Variants in TBCEL observed in about 807,000 individuals in gnomAD.
TBCEL encodes the protein tubulin folding cofactor E like.
A neutral mutation model predicts 44.2 loss-of-function variants in TBCEL; 15 were observed. That is an observed-to-expected ratio of 0.34 (90% confidence interval 0.23 to 0.52). The LOEUF (loss-of-function observed/expected upper bound fraction) is 0.52. Among genes scored for constraint, TBCEL ranks in the 20% least tolerant of loss-of-function variants. The probability of loss-of-function intolerance (pLI) is 0.95; values close to 1 mark genes in which losing one functional copy is unlikely to be tolerated. For missense variants in TBCEL, 319 were observed against 506.3 expected, an observed-to-expected ratio of 0.63 and a Z score of 3.55; for synonymous variants, 171 against 185.4, an observed-to-expected ratio of 0.92 and a Z score of 0.63.
chr11:121,072,404 C>T (rs1307588326), intron 8 of TBCEL, among the ~76,000 whole-genome samples: 1 of 152,132 alleles, frequency 6.6e-6, no homozygotes, highest in Admixed American at 6.5e-5. Context: ...TTCTTGTTCA[C>T]ACTGTTCAGA....
chr11:121,047,718 T>G, intron 4 of TBCEL, 51 bp downstream of exon 4: 1 of 1,594,464 alleles, frequency 6.3e-7, no homozygotes, highest in Non-Finnish European at 8.6e-7. Flanking sequence ...ATAACCATTG[T>G]GTCATTGTTT....
At chr11:121,034,439 A>G (rs1231882309) in intron 1 of TBCEL, among the ~76,000 whole-genome samples, 1 of 152,208 alleles carries the variant, frequency 6.6e-6, no homozygotes, top group Non-Finnish European at 1.5e-5. Context: ...TCCGTGGAGT[A>G]GATACAATTA....
intron 4 of TBCEL, among the ~76,000 whole-genome samples, chr11:121,052,708 G>A (rs772421792): frequency 6.6e-6 from 1 of 151,692 alleles, no homozygotes; most frequent in Non-Finnish European, 1.5e-5. Flanking sequence ...ATGGTATATT[G>A]GAAAGAAAAA....
chr11:121,084,986 AAGT>A (rs1392171021), intron 8 of TBCEL, among the ~76,000 whole-genome samples: 1 of 151,028 alleles, frequency 6.6e-6, no homozygotes, highest in East Asian at 1.9e-4. Context: ...AGTCCCACCT[AAGT>A]AGATTTCAAT....
At chr11:121,070,897 G>A (rs1320927036) in intron 8 of TBCEL, among the ~76,000 whole-genome samples, 1 of 151,404 alleles carries the variant, frequency 6.6e-6, no homozygotes, top group East Asian at 1.9e-4. Context: ...GACTAGTAAA[G>A]GAGGATATGT....
At chr11:121,056,523 A>G (rs551341958) in intron 6 of TBCEL, among the ~76,000 whole-genome samples, 1 of 151,878 alleles carries the variant, frequency 6.6e-6, no homozygotes, top group East Asian at 1.9e-4. Context: ...GCTGGATCGT[A>G]TGGTAAGATT....
chr11:121,077,419 A>G (rs1946052069), intron 8 of TBCEL, among the ~76,000 whole-genome samples: 1 of 152,080 alleles, frequency 6.6e-6, no homozygotes, highest in South Asian at 2.1e-4. Context: ...TTATGGGCAT[A>G]AAGTTTTTCA....
intron 8 of TBCEL, among the ~76,000 whole-genome samples, chr11:121,075,333 G>A (rs1250582669): frequency 1.3e-5 from 2 of 151,838 alleles, no homozygotes; most frequent in Non-Finnish European, 2.9e-5. Context: ...GAAGCAACTG[G>A]ATCACTATAG....
intron 3 of TBCEL, 130 bp from the exon 4 acceptor site, chr11:121,047,398 C>G: frequency 8.9e-7 from 1 of 1,121,334 alleles, no homozygotes; most frequent in Non-Finnish European, 1.3e-6. Flanking sequence ...CCATTATATC[C>G]TGTATTTTCT....
intron 8 of TBCEL, among the ~76,000 whole-genome samples, chr11:121,072,663 G>A (rs1945957270): frequency 6.6e-6 from 1 of 151,414 alleles, no homozygotes; most frequent in Non-Finnish European, 1.5e-5. Flanking sequence ...TCATATTGTG[G>A]CTTTTCAACC....
chr11:121,069,748 T>A (rs535990451), intron 8 of TBCEL, among the ~76,000 whole-genome samples: 3 of 151,696 alleles, frequency 2.0e-5, no homozygotes, highest in Non-Finnish European at 4.4e-5. Flanking sequence ...GCCAAGATTG[T>A]GCCGCTGCAC....
chr11:121,053,921 C>T (rs756019218), intron 5 of TBCEL, among the ~76,000 whole-genome samples, 189 bp downstream of exon 5: 6 of 151,712 alleles, frequency 4.0e-5, no homozygotes, highest in Non-Finnish European at 5.9e-5. Flanking sequence ...AATACATGTT[C>T]AGTGTTGAGT....
At chr11:121,055,486 G>C (rs1051019366) in intron 6 of TBCEL, among the ~76,000 whole-genome samples, 178 bp downstream of exon 6, 2 of 151,794 alleles carry the variant, frequency 1.3e-5, no homozygotes, top group Non-Finnish European at 2.9e-5. Context: ...TAAATGATCT[G>C]ATAAATATTA....
At chr11:121,064,756 C>T (rs1050153574) in intron 8 of TBCEL, among the ~76,000 whole-genome samples, 59 of 152,222 alleles carry the variant, frequency 3.9e-4, no homozygotes, top group African/African-American at 1.2e-3. Context: ...GGATTTGTAA[C>T]GGAGAACAGG....
chr11:121,038,362 A>G (rs1435780710), intron 2 of TBCEL, among the ~76,000 whole-genome samples: 1 of 152,210 alleles, frequency 6.6e-6, no homozygotes, highest in African/African-American at 2.4e-5. Context: ...AAAAATATGT[A>G]ACATATACAT....
intron 1 of TBCEL, among the ~76,000 whole-genome samples, chr11:121,029,536 A>T (rs1001616001): frequency 6.6e-6 from 1 of 152,252 alleles, no homozygotes; most frequent in African/African-American, 2.4e-5. Flanking sequence ...TGTTCAAATT[A>T]CACAGTAGTC....
intron 6 of TBCEL, among the ~76,000 whole-genome samples, chr11:121,057,963 A>G (rs939394424): frequency 6.6e-6 from 1 of 151,814 alleles, no homozygotes; most frequent in African/African-American, 2.4e-5. Context: ...TTATTCCATG[A>G]GTCTATATTT....
chr11:121,038,080 C>T (rs914568352), intron 2 of TBCEL, among the ~76,000 whole-genome samples: 1 of 152,034 alleles, frequency 6.6e-6, no homozygotes, highest in African/African-American at 2.4e-5. Context: ...TTGCCTCAGC[C>T]TCCCAAGTAG....
intron 8 of TBCEL, among the ~76,000 whole-genome samples, chr11:121,083,719 T>G (rs565193185): frequency 6.6e-6 from 1 of 152,370 alleles, no homozygotes; most frequent in East Asian, 1.9e-4. Context: ...CCTAGTTCTT[T>G]AATCTCATTG....
Sources: gnomAD v4.1 joint callset for allele counts (sites outside exome capture counted in the v4.1 genomes callset) on GRCh38, gnomAD v4.1.1 for gene constraint, MANE v1.5 for transcripts, NCBI Gene and HGNC (gene_info 2026-07-23, HGNC 2026-07-21) for gene names.